PIEZO2: variants seen among roughly 807,000 people sequenced by gnomAD.
PIEZO2 encodes piezo-type mechanosensitive ion channel component 2.
Under a neutral mutation model 337.3 loss-of-function variants are expected in PIEZO2, and 172 were observed. The observed-to-expected ratio is 0.51, with a 90% CI of 0.45 to 0.58. PIEZO2 has a LOEUF of 0.58. Ranked by LOEUF, PIEZO2 falls within the 20% of genes least tolerant of loss-of-function variation. The pLI is 0.00. For synonymous variants in PIEZO2, 1,251 were observed against 1,228.5 expected (o/e 1.02, Z -0.38); for missense variants, 3,028 against 3,391.3 (o/e 0.89, Z 2.66).
At chr18:11,015,302 C>T (rs867501018) in intron 2 of PIEZO2, among the ~76,000 whole-genome samples, 11 of 152,046 alleles carry the variant, frequency 7.2e-5, no homozygotes, top group Admixed American at 6.5e-5. Flanking sequence ...GGGCACTTCA[C>T]CCAGATCCGG....
chr18:11,138,866 G>A (rs2040561531), intron 1 of PIEZO2, among the ~76,000 whole-genome samples: 1 of 152,178 alleles, frequency 6.6e-6, no homozygotes, highest in African/African-American at 2.4e-5. Flanking sequence ...ATAGCACAGA[G>A]GCTGTCTGAT....
intron 3 of PIEZO2, among the ~76,000 whole-genome samples, chr18:10,911,755 G>A (rs1411347123): frequency 1.1e-4 from 2 of 18,762 alleles, no homozygotes; most frequent in African/African-American, 2.0e-4. Context: ...ACTCCATCTT[G>A]AAAAAACAAA....
chr18:10,854,227 C>T lies in PIEZO2; in HGVS notation c.917+1126G>A, dbSNP rs1568131918. Among the ~76,000 whole-genome samples, 1 of 152,278 alleles carries T rather than the reference C, an allele frequency of 6.6e-6. No individual in the cohort carries two copies. The highest frequency in any genetic ancestry group is 1.9e-4 in the East Asian group (1 of 5,188). On this transcript the variant is annotated intron_variant, in intron 7 of 55. Coordinates refer to ENST00000674853, the MANE Select transcript of PIEZO2 (RefSeq NM_001378183.1). This position sits in a 1 kb window ranked among gnomAD's most constrained non-coding sequence, Gnocchi z 4.6. ...GTCTTAACCATATGATGCTGTATAG[C>T]TCATCTGTTGCATCACACTGAGAGG...
Position 10,900,283 on chromosome 18 carries a change from C to G in PIEZO2, c.329+10903G>C, listed in dbSNP as rs115270841. 9.1e-3 allele frequency among the ~76,000 whole-genome samples: 1,383 copies of G among 152,026 alleles called. 26 individuals are homozygous for G. The highest frequency in any genetic ancestry group is 0.032 in the African/African-American group (1,330 of 41,474). ...TTTTAATCTGTGTTTCAAGTACACA[C>G]AAGATACCTTGGCAGATCAGGGCAA... On this transcript the variant is annotated intron_variant, in intron 4 of 55. Transcript: ENST00000674853.
rs532103284 is a variant in PIEZO2, at chr18:10,690,368, A to G, written c.7350-566T>C. On this transcript the variant is annotated intron_variant, in intron 48 of 55. Transcript: ENST00000674853. ...CCTGGGCTCCTCCAGGCTCTGAAGAATTTTCCTTGTCTCTTGACTGACACA... is the reference window on the plus strand; with the variant it reads ...CCTGGGCTCCTCCAGGCTCTGAAGAGTTTTCCTTGTCTCTTGACTGACACA... 4.6e-5 allele frequency among the ~76,000 whole-genome samples: 7 copies of G among 152,082 alleles called. No homozygotes were observed. In the South Asian group the frequency reaches 1.2e-3, roughly 27 times the overall value.
In PIEZO2 at chr18:10,726,871, C is replaced by T; in HGVS notation, c.5029+4536G>A. 1.3e-6 allele frequency: 2 copies of T among 1,597,786 alleles called. No individual in the cohort carries two copies. Among genetic ancestry groups the T allele is most frequent in the Non-Finnish European group, 8.6e-7 (1 of 1,168,042 alleles). On this transcript the variant is annotated intron_variant, in intron 36 of 55. Transcript: ENST00000674853. The surrounding 1 kb of genome is among the most constrained non-coding windows in gnomAD (Gnocchi z 5.9). ...GCAGGACTTGGCACGCTACCGGCAG[C>T]AGCTGAAGCACATCATGGCCACCAA...
rs199540629 is a variant in PIEZO2, at chr18:11,080,515, T to A, written c.65-14293A>T. On this transcript the variant is annotated intron_variant, in intron 1 of 55. Transcript: ENST00000674853. The surrounding 1 kb of genome is among the most constrained non-coding windows in gnomAD (Gnocchi z 5.4). ...GCCTGTGATGATAGTGCAGAATGAA[T>A]AAAGGAATAAAGGGGTTACCTTCCT... is the stretch of plus-strand genomic sequence containing the variant. Among the ~76,000 whole-genome samples, 13 of 152,280 alleles carry A rather than the reference T, an allele frequency of 8.5e-5. No individual in the cohort carries two copies. In the East Asian group the frequency reaches 2.5e-3, roughly 29 times the overall value.
Position 10,672,561 on chromosome 18 carries a change from G to T in PIEZO2, c.8345+129C>A. Reference sequence around the variant, plus strand: ...TTTTTTGAAATAAAATGCACACAAGGATGTGTGCATTTTAATACTGCAGCT... The same window carrying T: ...TTTTTTGAAATAAAATGCACACAAGTATGTGTGCATTTTAATACTGCAGCT... On this transcript the variant is annotated intron_variant, in intron 55 of 55. Coordinates refer to ENST00000674853, the MANE Select transcript of PIEZO2 (RefSeq NM_001378183.1). This position sits in a 1 kb window ranked among gnomAD's most constrained non-coding sequence, Gnocchi z 4.7. The T allele has an allele frequency of 1.0e-6, 1 of 981,986 alleles. No homozygotes were observed. Among genetic ancestry groups the T allele is most frequent in the Non-Finnish European group, 1.5e-6 (1 of 662,600 alleles). The allele number at this position is 981,986 out of a possible 1,614,324, so 60.8% of individuals were successfully genotyped here.
intron 4 of PIEZO2, among the ~76,000 whole-genome samples, chr18:10,892,004 T>C (rs1262084698): frequency 6.6e-6 from 1 of 152,158 alleles, no homozygotes; most frequent in East Asian, 1.9e-4. Flanking sequence ...TTTAGGGTAA[T>C]GCAGGATTGA....
chr18:10,967,935 C>T (rs951136917), intron 3 of PIEZO2, among the ~76,000 whole-genome samples: 1 of 152,030 alleles, frequency 6.6e-6, no homozygotes, highest in African/African-American at 2.4e-5. Flanking sequence ...TATTACTTTG[C>T]TGTACAGAAG....
Position 10,767,979 on chromosome 18 carries a change from A to AG in PIEZO2, c.2946+2168dup, listed in dbSNP as rs1370948163. Reference sequence around the variant, plus strand: ...GGCCAAGTCACAACATCCCCATCCCAGGGGGCCTTGCCCTGAGCCTGTGAG... The same window carrying AG: ...GGCCAAGTCACAACATCCCCATCCCAGGGGGGCCTTGCCCTGAGCCTGTGAG... On this transcript the variant is annotated intron_variant, in intron 21 of 55. Coordinates refer to ENST00000674853, the MANE Select transcript of PIEZO2 (RefSeq NM_001378183.1). The surrounding 1 kb of genome is among the most constrained non-coding windows in gnomAD (Gnocchi z 4.2). 6.6e-6 allele frequency among the ~76,000 whole-genome samples: 1 copy of AG among 152,204 alleles called. No individual in the cohort carries two copies. The highest frequency in any genetic ancestry group is 1.5e-5 in the Non-Finnish European group (1 of 68,032).
chr18:10,790,107 T>A (rs1025486065), intron 14 of PIEZO2, among the ~76,000 whole-genome samples: 2 of 152,152 alleles, frequency 1.3e-5, no homozygotes, highest in African/African-American at 4.8e-5. Flanking sequence ...AAATTAACCA[T>A]TTTTTACCAA....
chr18:10,926,590 T>A (rs2031754959), intron 3 of PIEZO2, among the ~76,000 whole-genome samples: 1 of 152,180 alleles, frequency 6.6e-6, no homozygotes, highest in Non-Finnish European at 1.5e-5. Flanking sequence ...TTTATGCTAA[T>A]TGAGCATTTT....
Position 11,048,263 on chromosome 18 carries a change from G to A in PIEZO2, c.160+17864C>T, listed in dbSNP as rs895567577. Among the ~76,000 whole-genome samples, 5 of 152,172 alleles carry A rather than the reference G, an allele frequency of 3.3e-5. No homozygotes were observed. The highest frequency in any genetic ancestry group is 9.7e-5 in the African/African-American group (4 of 41,432). On this transcript the variant is annotated intron_variant, in intron 2 of 55. Coordinates refer to ENST00000674853, the MANE Select transcript of PIEZO2 (RefSeq NM_001378183.1). This position sits in a 1 kb window ranked among gnomAD's most constrained non-coding sequence, Gnocchi z 4.5. The stretch of plus-strand genomic sequence containing the variant: ...TTAACTTTTTAAAAAATGGAGAAAG[G>A]GAAGAGGGAAAGAAGAAAGGACAAA...
intron 2 of PIEZO2, among the ~76,000 whole-genome samples, chr18:11,054,808 G>A (rs1197991412): frequency 6.6e-6 from 1 of 152,178 alleles, no homozygotes; most frequent in African/African-American, 2.4e-5. Flanking sequence ...CCAAGCCCAG[G>A]GAGAGGAGCA....
chr18:10,933,054 G>T (rs1382702723), intron 3 of PIEZO2, among the ~76,000 whole-genome samples: 2 of 152,118 alleles, frequency 1.3e-5, no homozygotes, highest in Non-Finnish European at 2.9e-5. Context: ...AAACAGGAGG[G>T]TGAGGACCCT....
rs1268403824 is a variant in PIEZO2 at position 11,047,614 on chromosome 18, A to T, written c.160+18513T>A. ...ACACAGCCATGAGCTTTCAGACACC[A>T]ACACTCCAGGCAATAGGGAGAATCG... On this transcript the variant is annotated intron_variant, in intron 2 of 55. Coordinates refer to ENST00000674853, the MANE Select transcript of PIEZO2 (RefSeq NM_001378183.1). This position sits in a 1 kb window ranked among gnomAD's most constrained non-coding sequence, Gnocchi z 7.2. Among the ~76,000 whole-genome samples, 1 of 152,128 alleles carries T rather than the reference A, an allele frequency of 6.6e-6. No individual in the cohort carries two copies. Among genetic ancestry groups the T allele is most frequent in the Non-Finnish European group, 1.5e-5 (1 of 68,022 alleles).
chr18:11,089,520 A>G (rs1379958662), intron 1 of PIEZO2, among the ~76,000 whole-genome samples: 3 of 152,210 alleles, frequency 2.0e-5, no homozygotes, highest in Non-Finnish European at 4.4e-5. Context: ...ACTGAGTTTC[A>G]AATGAAGACA....
At chr18:10,800,873 C>T (rs1355931354) in intron 10 of PIEZO2, among the ~76,000 whole-genome samples, 2 of 152,370 alleles carry the variant, frequency 1.3e-5, no homozygotes, top group South Asian at 2.1e-4. Context: ...CTAGACCTTT[C>T]TTGGGCTGTG....
Sources: allele counts gnomAD v4.1 joint callset (sites outside exome capture counted in the v4.1 genomes callset), GRCh38; gene constraint gnomAD v4.1.1; non-coding constraint Gnocchi (gnomAD v3.1); transcripts MANE v1.5; gene names NCBI Gene and HGNC (gene_info 2026-07-23, HGNC 2026-07-21).